TOX: variants seen among roughly 807,000 people sequenced by gnomAD.
TOX encodes the protein thymocyte selection associated high mobility group box, also known as thymocyte selection-associated high mobility group box protein TOX.
TOX carries 11 observed loss-of-function variants against 53.7 expected under a neutral mutation model. That is an observed-to-expected ratio of 0.20 (90% confidence interval 0.13 to 0.34). The LOEUF (loss-of-function observed/expected upper bound fraction) is 0.34, where lower values mean the gene tolerates loss of function less well. Ranked by LOEUF, TOX falls within the 10% of genes least tolerant of loss-of-function variation. The pLI, the probability that TOX is intolerant of heterozygous loss-of-function variation, is 1.00. For synonymous variants in TOX, 225 were observed against 245.3 expected, an observed-to-expected ratio of 0.92 and a Z score of 0.77; for missense variants, 570 against 664.6, an observed-to-expected ratio of 0.86 and a Z score of 1.56.
At chr8:59,027,036 G>T (rs1814256493) in intron 1 of TOX, among the ~76,000 whole-genome samples, 1 of 152,120 alleles carries the variant, frequency 6.6e-6, no homozygotes, top group African/African-American at 2.4e-5. Flanking sequence ...AATTCCATTG[G>T]CTAGTTCCCT....
intron 7 of TOX, among the ~76,000 whole-genome samples, chr8:58,808,859 G>C (rs1297044649): frequency 6.6e-6 from 1 of 152,200 alleles, no homozygotes; most frequent in Admixed American, 6.5e-5. Flanking sequence ...ACAGGGAAAA[G>C]AGATTCAAAA....
chr8:58,968,922 C>G (rs966115635), intron 1 of TOX, among the ~76,000 whole-genome samples: 27 of 151,956 alleles, frequency 1.8e-4, no homozygotes, highest in Non-Finnish European at 1.5e-5. Context: ...AACGGTAAAA[C>G]TTTTTTAAAA....
intron 1 of TOX, among the ~76,000 whole-genome samples, chr8:59,077,246 A>G (rs1262867992): frequency 6.6e-6 from 1 of 152,234 alleles, no homozygotes; most frequent in East Asian, 1.9e-4. Flanking sequence ...ATAGGAGTGC[A>G]TGCTCTTTAT....
At chr8:58,872,167 C>A (rs925951690) in intron 3 of TOX, among the ~76,000 whole-genome samples, 1 of 151,898 alleles carries the variant, frequency 6.6e-6, no homozygotes, top group Non-Finnish European at 1.5e-5. Flanking sequence ...CATACAAGAG[C>A]CACCTAAAAT....
At chr8:58,875,682 T>C (rs1811270736) in intron 3 of TOX, among the ~76,000 whole-genome samples, 1 of 152,228 alleles carries the variant, frequency 6.6e-6, no homozygotes, top group South Asian at 2.1e-4. Flanking sequence ...ATTGGTTTTA[T>C]ACGTAGTGGA....
chr8:58,963,306 G>T (rs7820078), intron 1 of TOX, among the ~76,000 whole-genome samples: 43,126 of 131,374 alleles, frequency 0.33, 6,846 homozygotes, highest in South Asian at 0.45. Context: ...TAGATAGATA[G>T]ATATATATAT....
At chr8:59,002,617 A>G (rs1309743484) in intron 1 of TOX, among the ~76,000 whole-genome samples, 1 of 151,516 alleles carries the variant, frequency 6.6e-6, no homozygotes, top group East Asian at 2.0e-4. Context: ...CAAAAAAAAA[A>G]CAAACAAAAA....
At chr8:59,046,730 C>T (rs1199714431) in intron 1 of TOX, among the ~76,000 whole-genome samples, 2 of 151,684 alleles carry the variant, frequency 1.3e-5, no homozygotes, top group African/African-American at 2.4e-5. Flanking sequence ...TGGTGGCACG[C>T]ACCTGTAGTC....
intron 1 of TOX, among the ~76,000 whole-genome samples, chr8:59,063,025 T>A (rs1461087762): frequency 1.3e-5 from 2 of 152,160 alleles, no homozygotes; most frequent in African/African-American, 2.4e-5. Flanking sequence ...ATTGCCTATG[T>A]TTTCAGTAAA....
intron 1 of TOX, among the ~76,000 whole-genome samples, chr8:59,024,553 T>C (rs1165743894): frequency 6.6e-6 from 1 of 152,204 alleles, no homozygotes; most frequent in Non-Finnish European, 1.5e-5. Context: ...GTCACGTTTT[T>C]GTGTTCAGCT....
intron 6 of TOX, among the ~76,000 whole-genome samples, chr8:58,816,936 C>T (rs1810190076): frequency 6.6e-6 from 1 of 152,172 alleles, no homozygotes; most frequent in African/African-American, 2.4e-5. Flanking sequence ...CAACACAACT[C>T]ATTTGTCTTC....
chr8:58,857,662 T>C (rs1393783174), intron 3 of TOX, among the ~76,000 whole-genome samples: 2 of 152,198 alleles, frequency 1.3e-5, no homozygotes, highest in African/African-American at 4.8e-5. Flanking sequence ...TCTGGTTACC[T>C]AGAGCTGAAG....
At chr8:58,938,702 C>T (rs188882612) in intron 3 of TOX, among the ~76,000 whole-genome samples, 33 of 152,260 alleles carry the variant, frequency 2.2e-4, no homozygotes, top group African/African-American at 7.5e-4. Flanking sequence ...GATACACATT[C>T]TTATTAAATT....
chr8:59,096,895 G>A (rs1011279894), intron 1 of TOX, among the ~76,000 whole-genome samples: 7 of 152,232 alleles, frequency 4.6e-5, no homozygotes, highest in African/African-American at 1.7e-4. Context: ...ATCTTGGGTA[G>A]AGACTTCTTC....
At chr8:59,112,951 T>C (rs1298056421) in intron 1 of TOX, among the ~76,000 whole-genome samples, 2 of 152,248 alleles carry the variant, frequency 1.3e-5, no homozygotes, top group East Asian at 1.9e-4. Context: ...TTTATTGACA[T>C]GTAAGATAAC....
chr8:58,998,493 GTATATATATATATA>G (rs61434586), intron 1 of TOX, among the ~76,000 whole-genome samples: 27 of 63,610 alleles, frequency 4.2e-4, no homozygotes, highest in African/African-American at 2.4e-3. Context: ...CATCTCAAAA[GTATATATATATATA>G]TATATATATA....
chr8:59,006,389 C>T (rs1447895341), intron 1 of TOX, among the ~76,000 whole-genome samples: 2 of 152,126 alleles, frequency 1.3e-5, no homozygotes, highest in African/African-American at 4.8e-5. Flanking sequence ...TTTATTTTCT[C>T]GCTTGGAAAA....
intron 3 of TOX, among the ~76,000 whole-genome samples, chr8:58,923,426 T>C (rs1452253723): frequency 2.6e-5 from 4 of 152,100 alleles, no homozygotes; most frequent in Non-Finnish European, 5.9e-5. Context: ...GAATCCCAGG[T>C]TTTTGGGCCA....
At chr8:59,013,409 A>AG (rs1202649675) in intron 1 of TOX, among the ~76,000 whole-genome samples, 3 of 78,780 alleles carry the variant, frequency 3.8e-5, no homozygotes, top group Non-Finnish European at 4.9e-5. Context: ...ACTATCAGAT[A>AG]GGCCTTTTTT....
Sources: gnomAD v4.1 joint callset for allele counts (sites outside exome capture counted in the v4.1 genomes callset) on GRCh38, gnomAD v4.1.1 for gene constraint, MANE v1.5 for transcripts, NCBI Gene and HGNC (gene_info 2026-07-23, HGNC 2026-07-21) for gene names.